Variants in KIF18A observed in about 807,000 individuals in gnomAD.
KIF18A encodes the protein kinesin-like protein KIF18A.
Under a neutral mutation model 103.3 loss-of-function variants are expected in KIF18A, and 67 were observed. That is an observed-to-expected ratio of 0.65 (90% confidence interval 0.53 to 0.79). The LOEUF (loss-of-function observed/expected upper bound fraction) is 0.79. KIF18A is among the 30% of genes least tolerant of loss of function. KIF18A has a pLI of 0.00. For missense variants in KIF18A, 1,032 were observed against 1,062.5 expected (o/e 0.97, Z 0.40); for synonymous variants, 367 against 355.5 (o/e 1.03, Z -0.36).
chr11:28,099,255 T>C (rs182232450), intron 1 of KIF18A, among the ~76,000 whole-genome samples: 2 of 152,198 alleles, frequency 1.3e-5, no homozygotes, highest in East Asian at 3.9e-4. Flanking sequence ...AAATATCACA[T>C]GATCTCACTT....
At chr11:28,024,188 G>GGTT (rs1207124440) in intron 15 of KIF18A, among the ~76,000 whole-genome samples, 1 of 91,746 alleles carries the variant, frequency 1.1e-5, no homozygotes, top group East Asian at 3.0e-4. Flanking sequence ...AGTCACAAGA[G>GGTT]GTTAAAAAAA....
intron 3 of KIF18A, among the ~76,000 whole-genome samples, chr11:28,093,314 T>C (rs1851327172): frequency 6.6e-6 from 1 of 152,188 alleles, no homozygotes; most frequent in African/African-American, 2.4e-5. Context: ...TTTTTATCTA[T>C]AAGTTCTAAT....
At chr11:28,087,845 G>A (rs1565088643) in intron 6 of KIF18A, among the ~76,000 whole-genome samples, 1 of 152,080 alleles carries the variant, frequency 6.6e-6, no homozygotes, top group African/African-American at 2.4e-5. Context: ...CTAATGATGA[G>A]CTTTTCGAAC....
At chr11:28,022,268 G>GTT (rs200643729) in intron 16 of KIF18A, among the ~76,000 whole-genome samples, 28 of 142,700 alleles carry the variant, frequency 2.0e-4, no homozygotes, top group Non-Finnish European at 2.6e-4. Context: ...TATGATTTGA[G>GTT]TTTTTTTTTT....
At position 28,084,813 on chromosome 11, in the gene KIF18A, A is replaced by C; in HGVS notation, c.898-5T>G. Reference sequence around the variant, plus strand: ...AGGGATATGCTGATTCTTTCTCTGAAAGCACAAAAAAGAGATCTTATGTCA... The same window carrying C: ...AGGGATATGCTGATTCTTTCTCTGACAGCACAAAAAAGAGATCTTATGTCA... On this transcript the variant is annotated splice_region_variant and splice_polypyrimidine_tract_variant and intron_variant, in intron 6 of 16. Coordinates refer to ENST00000263181, the MANE Select transcript of KIF18A (RefSeq NM_031217.4). 7.5e-6 allele frequency: 12 copies of C among 1,605,332 alleles called. No homozygotes were observed. Among genetic ancestry groups the C allele is most frequent in the Non-Finnish European group, 1.0e-5 (12 of 1,174,476 alleles).
chr11:28,035,603 A>G (rs1850475966), intron 14 of KIF18A, 109 bp from the exon 15 acceptor site: 1 of 510,716 alleles, frequency 2.0e-6, no homozygotes, highest in South Asian at 5.3e-5. Flanking sequence ...TTAATATATA[A>G]AGAAAAACAT....
At chr11:28,084,991 A>G (rs1017874688) in intron 6 of KIF18A, among the ~76,000 whole-genome samples, 183 bp from the exon 7 acceptor site, 1 of 152,252 alleles carries the variant, frequency 6.6e-6, no homozygotes, top group African/African-American at 2.4e-5. Context: ...TACAACTTAG[A>G]TATAGAGATG....
chr11:28,078,316 G>A (rs866865321), intron 9 of KIF18A, among the ~76,000 whole-genome samples: 1 of 152,110 alleles, frequency 6.6e-6, no homozygotes, highest in Admixed American at 6.6e-5. Flanking sequence ...TGATTTCATT[G>A]CATTATATTA....
chr11:28,098,498 C>T (rs1472375094), intron 1 of KIF18A, among the ~76,000 whole-genome samples: 1 of 152,122 alleles, frequency 6.6e-6, no homozygotes, highest in Non-Finnish European at 1.5e-5. Flanking sequence ...AGCCCCTTGG[C>T]CGTGGAAAGT....
Position 28,091,514 on chromosome 11 carries a change from C to T in KIF18A, c.484-1G>A, listed in dbSNP as rs1319562745. On this transcript the variant is annotated splice_acceptor_variant, in intron 3 of 16. Coordinates refer to ENST00000263181, the MANE Select transcript of KIF18A (RefSeq NM_031217.4). LOFTEE classifies it high-confidence loss of function. ...GATCACGAATCTGTTCATTATATAC[C>T]TTAAAATAAAAAGAACTGCTTTAGC... The T allele has an allele frequency of 6.5e-7, 1 of 1,541,910 alleles. No homozygotes were observed. Among genetic ancestry groups the T allele is most frequent in the Non-Finnish European group, 8.9e-7 (1 of 1,122,098 alleles).
At chr11:28,101,119 G>A (rs1851441037) in intron 1 of KIF18A, among the ~76,000 whole-genome samples, 1 of 151,962 alleles carries the variant, frequency 6.6e-6, no homozygotes, top group South Asian at 2.1e-4. Context: ...ACTTTGGGTA[G>A]GCCAATTCTT....
chr11:28,067,348 T>C (rs1850946219), intron 11 of KIF18A, among the ~76,000 whole-genome samples: 1 of 152,132 alleles, frequency 6.6e-6, no homozygotes, highest in Non-Finnish European at 1.5e-5. Flanking sequence ...ATATCCACAA[T>C]AAGGAAATAC....
intron 9 of KIF18A, among the ~76,000 whole-genome samples, 156 bp downstream of exon 9, chr11:28,082,700 T>G (rs79587778): frequency 0.034 from 5,114 of 152,046 alleles, 293 homozygotes; most frequent in African/African-American, 0.12. Flanking sequence ...GTCAAGCCTG[T>G]TATGTATGTA....
At chr11:28,068,393 A>G (rs1007587046) in intron 11 of KIF18A, among the ~76,000 whole-genome samples, 1 of 151,624 alleles carries the variant, frequency 6.6e-6, no homozygotes, top group Non-Finnish European at 1.5e-5. Context: ...CCTATGTAAC[A>G]AACCTGCACA....
rs755433599 is a variant in KIF18A, at chr11:28,036,453, T to A, written c.2160A>T (p.Val720=). ...TAAATGATGATGGTTTCATTAAGGT[T>A]ACTGTAGACGGATTTTGAAAAGCTT... The part of the protein sequence containing the change: ...CRKAFQNPST[V]TLMKPSSFTT... Residue 720 remains valine (V), a synonymous_variant, in exon 14 of 17, where the codon GTA becomes GTT. Transcript: ENST00000263181. The A allele has an allele frequency of 7.4e-6, 12 of 1,610,856 alleles. No homozygotes were observed. The Admixed American group carries it at 1.0e-4, about 13-fold the overall frequency.
intron 15 of KIF18A, among the ~76,000 whole-genome samples, chr11:28,032,780 G>A (rs915674467): frequency 1.3e-5 from 2 of 151,746 alleles, no homozygotes; most frequent in Non-Finnish European, 2.9e-5. Context: ...GAAAACATTG[G>A]GGAAACTCTC....
Position 28,021,102 on chromosome 11 carries a change from G to A in KIF18A, c.*98C>T. On this transcript the variant is annotated 3_prime_UTR_variant, in exon 17 of 17. Coordinates refer to ENST00000263181, the MANE Select transcript of KIF18A (RefSeq NM_031217.4). ...TTGGGTAAACTTAGCTTTAAGATGG[G>A]TCTTCTTTCAAAGATTTTAAATATA... 1 of 1,163,554 alleles carries A rather than the reference G, an allele frequency of 8.6e-7. No individual in the cohort carries two copies. The highest frequency in any genetic ancestry group is 1.1e-6 in the Non-Finnish European group (1 of 907,402). The allele number at this position is 1,163,554 out of a possible 1,614,324, so 72.1% of individuals were successfully genotyped here.
intron 3 of KIF18A, among the ~76,000 whole-genome samples, chr11:28,093,245 T>A (rs1049417214): frequency 1.3e-5 from 2 of 152,198 alleles, no homozygotes; most frequent in Non-Finnish European, 1.5e-5. Flanking sequence ...CTTTTCCCAA[T>A]TGAGTTCAGA....
intron 11 of KIF18A, among the ~76,000 whole-genome samples, chr11:28,066,498 A>G (rs1241721223): frequency 6.6e-6 from 1 of 151,926 alleles, no homozygotes; most frequent in African/African-American, 2.4e-5. Flanking sequence ...TAGTTTATTA[A>G]TGAATCTTGT....
Sources: allele counts gnomAD v4.1 joint callset (sites outside exome capture counted in the v4.1 genomes callset), GRCh38; gene constraint gnomAD v4.1.1; transcripts MANE v1.5; gene names NCBI Gene and HGNC (gene_info 2026-07-23, HGNC 2026-07-21).